SEMA6D: variants seen among roughly 807,000 people sequenced by gnomAD.
SEMA6D encodes semaphorin-6D.
A neutral mutation model predicts 106.6 loss-of-function variants in SEMA6D; 35 were observed. The ratio of observed to expected loss-of-function variants is 0.33; its 90% CI spans 0.25 to 0.44. SEMA6D has a LOEUF of 0.44. Ranked by LOEUF, SEMA6D falls within the 20% of genes least tolerant of loss-of-function variation. The pLI, the probability that SEMA6D is intolerant of heterozygous loss-of-function variation, is 1.00. For synonymous variants in SEMA6D, 499 were observed against 487.7 expected, an observed-to-expected ratio of 1.02 and a Z score of -0.31; for missense variants, 1,185 against 1,345.9, an observed-to-expected ratio of 0.88 and a Z score of 1.87.
chr15:47,595,564 G>T (rs1002112478), intron 3 of SEMA6D, among the ~76,000 whole-genome samples: 3 of 152,092 alleles, frequency 2.0e-5, no homozygotes. Flanking sequence ...TAATGTCTTT[G>T]TCTGGCTTTG....
intron 1 of SEMA6D, among the ~76,000 whole-genome samples, chr15:47,309,934 T>A (rs949454996): frequency 6.6e-6 from 1 of 152,198 alleles, no homozygotes; most frequent in African/African-American, 2.4e-5. Flanking sequence ...TGAACCATTG[T>A]TAAGTTGGGG....
At chr15:47,673,991 G>A (rs2078190514) in intron 4 of SEMA6D, among the ~76,000 whole-genome samples, 1 of 151,996 alleles carries the variant, frequency 6.6e-6, no homozygotes, top group African/African-American at 2.4e-5. Context: ...TTCAATCTTT[G>A]CATCCATTCC....
chr15:47,345,939 TTAGGCTATACCTTTTAAA>T (rs751643651), intron 1 of SEMA6D, among the ~76,000 whole-genome samples: 1 of 152,168 alleles, frequency 6.6e-6, no homozygotes. Context: ...CCTAAATTTA[TTAGGCTATACCTTTTAAA>T]TATGGCCATT....
chr15:47,639,514 A>G (rs182914296), intron 4 of SEMA6D, among the ~76,000 whole-genome samples: 37 of 152,340 alleles, frequency 2.4e-4, no homozygotes, highest in Non-Finnish European at 2.9e-5. Context: ...ATAACTCCTC[A>G]GTCCTCAAGT....
intron 4 of SEMA6D, among the ~76,000 whole-genome samples, chr15:47,640,994 G>A (rs2077478284): frequency 6.6e-6 from 1 of 152,052 alleles, no homozygotes; most frequent in Non-Finnish European, 1.5e-5. Flanking sequence ...CACATTTCTT[G>A]GGAAAGGAAG....
intron 2 of SEMA6D, among the ~76,000 whole-genome samples, chr15:47,444,145 T>C (rs2041961497): frequency 6.6e-6 from 1 of 152,152 alleles, no homozygotes. Context: ...TGCAGGACAC[T>C]GTGAGGAGCA....
At chr15:47,257,908 A>C (rs2033890596) in intron 1 of SEMA6D, among the ~76,000 whole-genome samples, 1 of 152,160 alleles carries the variant, frequency 6.6e-6, no homozygotes, top group African/African-American at 2.4e-5. Flanking sequence ...TGATCAGTTT[A>C]TGCTTAATGT....
chr15:47,357,588 A>G (rs1028891190), intron 1 of SEMA6D, among the ~76,000 whole-genome samples: 1 of 152,130 alleles, frequency 6.6e-6, no homozygotes, highest in African/African-American at 2.4e-5. Flanking sequence ...GCACGGGAGA[A>G]AGGTGTAGGA....
chr15:47,701,252 A>G (rs192635459), intron 4 of SEMA6D, among the ~76,000 whole-genome samples: 48 of 152,344 alleles, frequency 3.2e-4, no homozygotes, highest in African/African-American at 1.1e-3. Context: ...CAATAATAAG[A>G]AAACAAACAA....
intron 4 of SEMA6D, among the ~76,000 whole-genome samples, chr15:47,623,768 G>A (rs2077153040): frequency 6.6e-6 from 1 of 152,154 alleles, no homozygotes; most frequent in Non-Finnish European, 1.5e-5. Flanking sequence ...CCTATGTCCT[G>A]TTTCAGAGTA....
intron 1 of SEMA6D, among the ~76,000 whole-genome samples, chr15:47,217,015 T>A (rs192163621): frequency 7.6e-4 from 116 of 152,232 alleles, no homozygotes; most frequent in Non-Finnish European, 1.1e-3. Flanking sequence ...AGAAGATACC[T>A]CTTCCATATA....
chr15:47,321,724 T>G (rs1174585430), intron 1 of SEMA6D, among the ~76,000 whole-genome samples: 1 of 152,186 alleles, frequency 6.6e-6, no homozygotes, highest in East Asian at 1.9e-4. Context: ...CACCACATAT[T>G]TACATGTCTA....
intron 2 of SEMA6D, among the ~76,000 whole-genome samples, chr15:47,422,366 CAGATAAGTTTCCA>C (rs1452634420): frequency 6.6e-6 from 1 of 151,892 alleles, no homozygotes; most frequent in East Asian, 1.9e-4. Context: ...ACAGTTAAAA[CAGATAAGTTTCCA>C]AGCTCAGTTT....
chr15:47,620,007 A>T (rs1038707222), intron 4 of SEMA6D, among the ~76,000 whole-genome samples: 1 of 152,102 alleles, frequency 6.6e-6, no homozygotes, highest in East Asian at 1.9e-4. Flanking sequence ...GACTGAAAGG[A>T]TGTGTCTTAG....
At chr15:47,619,787 G>A (rs1253315648) in intron 4 of SEMA6D, among the ~76,000 whole-genome samples, 1 of 152,162 alleles carries the variant, frequency 6.6e-6, no homozygotes, top group Non-Finnish European at 1.5e-5. Flanking sequence ...ATGAAATGAT[G>A]ATGAAAATGA....
At chr15:47,487,335 C>T (rs953442197) in intron 3 of SEMA6D, among the ~76,000 whole-genome samples, 2 of 152,184 alleles carry the variant, frequency 1.3e-5, no homozygotes, top group Non-Finnish European at 2.9e-5. Context: ...GCCCCTCCCT[C>T]CAACCCCTCT....
At position 47,347,756 on chromosome 15, in the gene SEMA6D, G is replaced by A. The variant is rs191650389; in HGVS notation, c.-238-64637G>A. ...CACCAAATCTGTCATTGGAAAACAA[G>A]TGGTCCCAGATTCACTGGATCTCTC... On this transcript the variant is annotated intron_variant, in intron 1 of 19. Transcript: ENST00000558014. 3.9e-4 allele frequency among the ~76,000 whole-genome samples: 59 copies of A among 152,232 alleles called. 1 individual carries two copies. In the East Asian group the frequency reaches 7.9e-3, roughly 20 times the overall value.
At chr15:47,446,964 T>C (rs770256060) in intron 2 of SEMA6D, among the ~76,000 whole-genome samples, 1 of 152,122 alleles carries the variant, frequency 6.6e-6, no homozygotes, top group Non-Finnish European at 1.5e-5. Context: ...CAGGACAACA[T>C]CCGGAAATCA....
At chr15:47,664,217 A>G (rs1341289671) in intron 4 of SEMA6D, among the ~76,000 whole-genome samples, 5 of 152,196 alleles carry the variant, frequency 3.3e-5, no homozygotes, top group Non-Finnish European at 7.3e-5. Flanking sequence ...TCAAATGATG[A>G]CACTTGTCTT....
Sources: gnomAD v4.1 joint callset for allele counts (sites outside exome capture counted in the v4.1 genomes callset) on GRCh38, gnomAD v4.1.1 for gene constraint, MANE v1.5 for transcripts, NCBI Gene and HGNC (gene_info 2026-07-23, HGNC 2026-07-21) for gene names.